PCLO: variants seen among roughly 807,000 people sequenced by gnomAD.
The protein encoded by PCLO is piccolo presynaptic cytomatrix protein.
PCLO carries 82 observed loss-of-function variants against 427.5 expected under a neutral mutation model. That is an observed-to-expected ratio of 0.19 (90% CI 0.16 to 0.23). The LOEUF (loss-of-function observed/expected upper bound fraction) is 0.23, where lower values mean the gene tolerates loss of function less well. Ranked by LOEUF, PCLO falls within the 10% of genes least tolerant of loss-of-function variation. PCLO has a pLI of 1.00. For synonymous variants in PCLO, 2,357 were observed against 2,155.4 expected, an observed-to-expected ratio of 1.09 and a Z score of -2.59; for missense variants, 6,239 against 6,115.9, an observed-to-expected ratio of 1.02 and a Z score of -0.67.
intron 3 of PCLO, among the ~76,000 whole-genome samples, chr7:83,048,038 A>T (rs1453593679): frequency 6.6e-6 from 1 of 152,070 alleles, no homozygotes; most frequent in East Asian, 1.9e-4. Context: ...CTTTTTTTCC[A>T]CAACTCCAGC....
chr7:83,154,875 C>A lies in PCLO; in HGVS notation c.1766G>T (p.Cys589Phe). Residue 589 changes from cysteine to phenylalanine, a missense_variant, in exon 2 of 25, where the codon TGT becomes TTT. Transcript: ENST00000333891. ...AAGTTCAGTGGTATTGCAAAGAGGA[C>A]AGATGGTTTTAGGGAGGCCTTGTGA... ...PPSQGLPKTI[C>F]PLCNTTELLL... The A allele has an allele frequency of 6.2e-7, 1 of 1,614,000 alleles. No homozygotes were observed. Among genetic ancestry groups the A allele is most frequent in the Non-Finnish European group, 8.5e-7 (1 of 1,179,886 alleles).
At chr7:83,027,261 T>G (rs1050624946) in intron 3 of PCLO, among the ~76,000 whole-genome samples, 23 of 148,272 alleles carry the variant, frequency 1.6e-4, no homozygotes, top group Non-Finnish European at 2.7e-4. Context: ...CAATAAAAAA[T>G]GAAAAAGGGG....
chr7:82,823,779 T>C (rs1791858420), intron 19 of PCLO, among the ~76,000 whole-genome samples: 1 of 152,156 alleles, frequency 6.6e-6, no homozygotes, highest in Non-Finnish European at 1.5e-5. Context: ...AAATAAAAAG[T>C]AGCATGCAAA....
chr7:83,065,104 C>T (rs1031511920), intron 3 of PCLO, among the ~76,000 whole-genome samples: 20 of 150,376 alleles, frequency 1.3e-4, no homozygotes, highest in African/African-American at 4.9e-4. Flanking sequence ...AATTTTTAGT[C>T]TTTCAGTCTT....
At chr7:82,812,283 A>G (rs1416437333) in intron 20 of PCLO, among the ~76,000 whole-genome samples, 1 of 151,638 alleles carries the variant, frequency 6.6e-6, no homozygotes, top group Non-Finnish European at 1.5e-5. Flanking sequence ...GTAATCGTAT[A>G]AAACAATGTA....
rs1278339976 is a variant in PCLO at position 82,756,342 on chromosome 7, A to T, written c.*2233T>A. ...GGAAATATCCATGGCAACCATCAGC[A>T]GATCTAATAGTTTCTAAAAATAAAA... is the stretch of plus-strand genomic sequence containing the variant. On this transcript the variant is annotated 3_prime_UTR_variant, in exon 25 of 25. Transcript: ENST00000333891. The T allele has an allele frequency of 6.6e-6, 1 of 152,090 alleles. No individual in the cohort carries two copies. Among genetic ancestry groups the T allele is most frequent in the Non-Finnish European group, 1.5e-5 (1 of 68,004 alleles). 9.4% of individuals were successfully genotyped at this position (152,090 alleles called of 1,614,324 possible). A position where few individuals can be genotyped will look rare whatever the true frequency, so the allele number is the denominator to read the frequency against.
chr7:83,069,931 A>G (rs1244945140), intron 3 of PCLO, among the ~76,000 whole-genome samples: 3 of 152,002 alleles, frequency 2.0e-5, no homozygotes, highest in Non-Finnish European at 4.4e-5. Context: ...TATGCTGACC[A>G]ATTCTTTGAT....
chr7:82,973,656 A>C (rs1340908077), intron 3 of PCLO, among the ~76,000 whole-genome samples: 1 of 152,074 alleles, frequency 6.6e-6, no homozygotes, highest in Non-Finnish European at 1.5e-5. Context: ...CTGTATAACA[A>C]ATGAAGTCTC....
At chr7:83,041,106 C>T (rs1788963000) in intron 3 of PCLO, among the ~76,000 whole-genome samples, 1 of 151,956 alleles carries the variant, frequency 6.6e-6, no homozygotes, top group South Asian at 2.1e-4. Flanking sequence ...TTTAGAACTA[C>T]ATTGAAACCA....
chr7:82,974,579 T>C (rs17376662), intron 3 of PCLO, among the ~76,000 whole-genome samples: 3 of 152,278 alleles, frequency 2.0e-5, no homozygotes, highest in African/African-American at 4.8e-5. Flanking sequence ...TATGGGTTCA[T>C]AGCATTTTTT....
Position 82,966,430 on chromosome 7 carries a change from C to T in PCLO, c.3358G>A (p.Gly1120Arg). The change falls in exon 4 of 25, where the codon GGA (glycine) becomes AGA (arginine). Residue 1120 changes from glycine to arginine, a missense_variant. By Grantham distance (125) the Gly-to-Arg change is moderately radical (BLOSUM62 -2). This residue lies in a region of PCLO where 4,677 missense variants were observed against 4,468.4 expected (regional missense o/e 1.05). Coordinates refer to ENST00000333891, the MANE Select transcript of PCLO (RefSeq NM_033026.6). ...GCAGGTGGCATTTTGCGTATGTCTC[C>T]AAGCTGTCCTGATATTGCTCTCTGG... is the stretch of plus-strand genomic sequence containing the variant. ...QTQRAISGQLGDIRKMPPAPS... is the reference protein window; with the variant it reads ...QTQRAISGQLRDIRKMPPAPS... 6.2e-7 allele frequency: 1 copy of T among 1,609,264 alleles called. No homozygotes were observed. The highest frequency in any genetic ancestry group is 8.5e-7 in the Non-Finnish European group (1 of 1,178,672).
intron 6 of PCLO, among the ~76,000 whole-genome samples, chr7:82,929,026 T>C (rs1278604655): frequency 6.6e-6 from 1 of 152,032 alleles, no homozygotes. Flanking sequence ...TGTCTGAAGG[T>C]GAGACTTCTG....
At chr7:82,826,965 C>A (rs1328128928) in intron 17 of PCLO, among the ~76,000 whole-genome samples, 1 of 151,878 alleles carries the variant, frequency 6.6e-6, no homozygotes, top group African/African-American at 2.4e-5. Context: ...TTTATAAATA[C>A]TCTAAATATA....
chr7:82,782,695 A>T (rs1790898319), intron 22 of PCLO, among the ~76,000 whole-genome samples: 1 of 152,214 alleles, frequency 6.6e-6, no homozygotes, highest in Admixed American at 6.5e-5. Context: ...GAATATCAAA[A>T]TCCATTTCAG....
At chr7:82,980,165 C>A (rs1796115035) in intron 3 of PCLO, among the ~76,000 whole-genome samples, 1 of 149,994 alleles carries the variant, frequency 6.7e-6, no homozygotes, top group Admixed American at 6.6e-5. Flanking sequence ...CACATCCTCA[C>A]ACCTGCTCAG....
chr7:82,776,906 GCACACACA>G (rs59900491), intron 22 of PCLO, among the ~76,000 whole-genome samples: 1 of 139,258 alleles, frequency 7.2e-6, no homozygotes, highest in Admixed American at 7.3e-5. Context: ...ATAGATATAC[GCACACACA>G]CACACACACA....
intron 8 of PCLO, among the ~76,000 whole-genome samples, chr7:82,906,748 A>C (rs910902697): frequency 9.2e-5 from 14 of 151,928 alleles, no homozygotes; most frequent in Admixed American, 2.6e-4. Context: ...ACTTTTAATC[A>C]GCTTATAACT....
chr7:82,772,980 C>CCT (rs1583958272), intron 22 of PCLO, among the ~76,000 whole-genome samples: 2 of 152,116 alleles, frequency 1.3e-5, no homozygotes, highest in East Asian at 3.9e-4. Context: ...CCACAAAGCC[C>CCT]AGGAATGAGG....
At chr7:83,017,472 A>C (rs1293744688) in intron 3 of PCLO, among the ~76,000 whole-genome samples, 1 of 152,060 alleles carries the variant, frequency 6.6e-6, no homozygotes, top group African/African-American at 2.4e-5. Flanking sequence ...AGTAATACTC[A>C]GGACACATTT....
Sources: gnomAD v4.1 joint callset for allele counts (sites outside exome capture counted in the v4.1 genomes callset) on GRCh38, gnomAD v4.1.1 for gene constraint, gnomAD v4.1.1 regional missense constraint, MANE v1.5 for transcripts, NCBI Gene and HGNC (gene_info 2026-07-23, HGNC 2026-07-21) for gene names.